PARD3B: variants seen among roughly 807,000 people sequenced by gnomAD.
PARD3B encodes par-3 family cell polarity regulator beta.
PARD3B carries 103 observed loss-of-function variants against 130.2 expected under a neutral mutation model. The observed-to-expected ratio is 0.79, with a 90% CI of 0.67 to 0.93. PARD3B has a LOEUF of 0.93. Ranked by LOEUF, PARD3B falls within the 40% of genes least tolerant of loss-of-function variation. The pLI, the probability that PARD3B is intolerant of heterozygous loss-of-function variation, is 0.00. For missense variants in PARD3B, 1,609 were observed against 1,499.2 expected (o/e 1.07, Z -1.21); for synonymous variants, 583 against 553.2 (o/e 1.05, Z -0.76).
At chr2:204,858,510 A>T (rs1312142523) in intron 2 of PARD3B, among the ~76,000 whole-genome samples, 2 of 151,532 alleles carry the variant, frequency 1.3e-5, no homozygotes, top group Non-Finnish European at 2.9e-5. Context: ...AAAAAAAAAA[A>T]AAAAAGGAAA....
At chr2:205,290,071 G>C (rs912417396) in intron 16 of PARD3B, among the ~76,000 whole-genome samples, 3 of 152,206 alleles carry the variant, frequency 2.0e-5, no homozygotes, top group Non-Finnish European at 4.4e-5. Context: ...GCTTTAAAGA[G>C]TAAATTATGA....
intron 3 of PARD3B, among the ~76,000 whole-genome samples, chr2:205,001,288 C>T (rs1430947776): frequency 2.0e-5 from 3 of 152,244 alleles, no homozygotes; most frequent in African/African-American, 7.2e-5. Context: ...TGCACCCAGC[C>T]TGCAATGCTC....
chr2:204,684,487 T>C (rs965597205), intron 1 of PARD3B, among the ~76,000 whole-genome samples: 5 of 152,318 alleles, frequency 3.3e-5, no homozygotes, highest in Admixed American at 2.6e-4. Context: ...TGAAGAAATA[T>C]GTTGCTTGCG....
At chr2:205,554,870 T>C (rs1304921204) in intron 22 of PARD3B, among the ~76,000 whole-genome samples, 1 of 152,192 alleles carries the variant, frequency 6.6e-6, no homozygotes, top group African/African-American at 2.4e-5. Flanking sequence ...ACTAATACGA[T>C]TCCATTTTAT....
chr2:205,039,500 C>T (rs549589706), intron 3 of PARD3B, among the ~76,000 whole-genome samples: 7 of 152,152 alleles, frequency 4.6e-5, no homozygotes, highest in Non-Finnish European at 4.4e-5. Flanking sequence ...GACGGAATCT[C>T]GCTTTGTCAC....
intron 1 of PARD3B, among the ~76,000 whole-genome samples, chr2:204,680,076 T>A (rs1316625451): frequency 2.0e-5 from 3 of 152,134 alleles, no homozygotes; most frequent in East Asian, 1.9e-4. Context: ...CTATCTTTTT[T>A]AAAAAAAGCT....
chr2:204,902,668 C>CAAAAAAAAAAAAAAAAAAA (rs5837941), intron 2 of PARD3B, among the ~76,000 whole-genome samples: 1 of 67,650 alleles, frequency 1.5e-5, no homozygotes, highest in Non-Finnish European at 2.8e-5. Context: ...GACTCTGTCT[C>CAAAAAAAAAAAAAAAAAAA]AAAAAAAAAA....
chr2:205,406,523 A>G (rs967508893), intron 19 of PARD3B, among the ~76,000 whole-genome samples: 2 of 152,052 alleles, frequency 1.3e-5, no homozygotes, highest in African/African-American at 4.8e-5. Context: ...TCAGTCACTG[A>G]TCTATTTCCT....
intron 11 of PARD3B, among the ~76,000 whole-genome samples, chr2:205,166,741 A>C (rs1263095039): frequency 6.6e-6 from 1 of 152,162 alleles, no homozygotes; most frequent in African/African-American, 2.4e-5. Flanking sequence ...GGATTCGTTG[A>C]AGATAATTCT....
intron 18 of PARD3B, among the ~76,000 whole-genome samples, chr2:205,314,915 C>A (rs1043102269): frequency 3.3e-5 from 5 of 152,134 alleles, no homozygotes; most frequent in Admixed American, 6.5e-5. Context: ...CCCTTCCCAT[C>A]TCCACCCTTC....
rs1401556736 is a variant in PARD3B, at chr2:205,591,796, G to C, written c.3261-23660G>C. On this transcript the variant is annotated intron_variant, in intron 22 of 22. Transcript: ENST00000406610. This position sits in a 1 kb window ranked among gnomAD's most constrained non-coding sequence, Gnocchi z 4.2. ...AGGTCTGGTGGTTCAGGTCACTGAA[G>C]AAAAGGAAGCTGTCCGGTTTGGATA... is the stretch of plus-strand genomic sequence containing the variant. 6.6e-6 allele frequency among the ~76,000 whole-genome samples: 1 copy of C among 152,212 alleles called. No homozygotes were observed. The highest frequency in any genetic ancestry group is 1.5e-5 in the Non-Finnish European group (1 of 68,042).
chr2:205,064,469 G>GA (rs1291098557), intron 4 of PARD3B, among the ~76,000 whole-genome samples: 3 of 152,126 alleles, frequency 2.0e-5, no homozygotes, highest in Admixed American at 1.3e-4. Flanking sequence ...AAGCTTTAGG[G>GA]AAAAAAAGTC....
chr2:205,392,740 A>G (rs2045900992), intron 18 of PARD3B, among the ~76,000 whole-genome samples: 1 of 152,164 alleles, frequency 6.6e-6, no homozygotes, highest in African/African-American at 2.4e-5. Flanking sequence ...TTAGAGTTTA[A>G]AACACAGCCC....
chr2:204,785,276 C>G (rs542896947), intron 2 of PARD3B, among the ~76,000 whole-genome samples: 209 of 152,192 alleles, frequency 1.4e-3, no homozygotes, highest in African/African-American at 4.7e-3. Context: ...ACCTGTTTCC[C>G]TAGGAATTAT....
chr2:205,102,400 A>G (rs1044410450), intron 4 of PARD3B, among the ~76,000 whole-genome samples: 5 of 151,450 alleles, frequency 3.3e-5, no homozygotes, highest in African/African-American at 7.3e-5. Context: ...TGATAATCAC[A>G]GGTTCCAATA....
At chr2:205,257,651 G>A (rs987059718) in intron 16 of PARD3B, among the ~76,000 whole-genome samples, 4 of 151,970 alleles carry the variant, frequency 2.6e-5, no homozygotes, top group Non-Finnish European at 4.4e-5. Context: ...CACTTACAGC[G>A]CTGCTACATG....
intron 20 of PARD3B, among the ~76,000 whole-genome samples, chr2:205,478,998 T>A (rs1404455491): frequency 1.3e-5 from 2 of 152,146 alleles, no homozygotes; most frequent in Non-Finnish European, 2.9e-5. Flanking sequence ...CAGGAGGCCA[T>A]AAGAACATGT....
intron 3 of PARD3B, among the ~76,000 whole-genome samples, chr2:205,024,586 T>C (rs768698929): frequency 2.0e-5 from 3 of 152,242 alleles, no homozygotes; most frequent in Non-Finnish European, 4.4e-5. Flanking sequence ...TGTCCAGATA[T>C]GTTGATCAAC....
intron 3 of PARD3B, among the ~76,000 whole-genome samples, chr2:204,998,364 G>A (rs1284785756): frequency 0.018 from 1,495 of 84,936 alleles, 132 homozygotes; most frequent in East Asian, 0.029. Flanking sequence ...ATATATGTGT[G>A]TGTGTGTGTG....
Sources: gnomAD v4.1 joint callset for allele counts (sites outside exome capture counted in the v4.1 genomes callset) on GRCh38, gnomAD v4.1.1 for gene constraint, Gnocchi (gnomAD v3.1) non-coding constraint, MANE v1.5 for transcripts, NCBI Gene and HGNC (gene_info 2026-07-23, HGNC 2026-07-21) for gene names.